CDH4: variants seen among roughly 807,000 people sequenced by gnomAD.
CDH4 encodes the protein cadherin 4.
A neutral mutation model predicts 86.0 loss-of-function variants in CDH4; 33 were observed. The ratio of observed to expected loss-of-function variants is 0.38; its 90% CI spans 0.29 to 0.51. The LOEUF is 0.51. CDH4 is among the 20% of genes least tolerant of loss of function. The probability of loss-of-function intolerance (pLI) is 0.86; values close to 1 mark genes in which losing one functional copy is unlikely to be tolerated. For synonymous variants in CDH4, 555 were observed against 549.4 expected (o/e 1.01, Z -0.14); for missense variants, 1,114 against 1,307.4 (o/e 0.85, Z 2.28).
At chr20:61,531,984 G>C (rs955302196) in intron 2 of CDH4, among the ~76,000 whole-genome samples, 6 of 152,254 alleles carry the variant, frequency 3.9e-5, no homozygotes, top group African/African-American at 1.4e-4. Context: ...TTCAGCCTGT[G>C]GTGGAGGATC....
At chr20:61,573,755 C>T (rs1332700840) in intron 2 of CDH4, among the ~76,000 whole-genome samples, 1 of 152,282 alleles carries the variant, frequency 6.6e-6, no homozygotes, top group South Asian at 2.1e-4. Context: ...TCTGGGCCCT[C>T]CCATGGCAGA....
intron 2 of CDH4, among the ~76,000 whole-genome samples, chr20:61,447,323 A>ATTTTTTTT (rs71331923): frequency 3.2e-3 from 354 of 110,708 alleles, no homozygotes; most frequent in African/African-American, 3.8e-3. Context: ...CGCCCAGCTG[A>ATTTTTTTT]TTTTTTTTTT....
chr20:61,631,525 A>G (rs2086888254), intron 2 of CDH4, among the ~76,000 whole-genome samples: 2 of 152,210 alleles, frequency 1.3e-5, no homozygotes, highest in Admixed American at 1.3e-4. Context: ...TGTGCCTATA[A>G]TCCCAGCTAC....
At chr20:61,886,084 A>G (rs1182218958) in intron 7 of CDH4, among the ~76,000 whole-genome samples, 2 of 152,126 alleles carry the variant, frequency 1.3e-5, no homozygotes, top group African/African-American at 4.8e-5. Flanking sequence ...TTATACCCCC[A>G]TATGTACCGC....
chr20:61,616,154 C>G (rs761594461), intron 2 of CDH4, among the ~76,000 whole-genome samples: 1 of 152,218 alleles, frequency 6.6e-6, no homozygotes, highest in South Asian at 2.1e-4. Flanking sequence ...GACTGCAGAG[C>G]TGGTGAACTT....
chr20:61,844,563 T>C, intron 4 of CDH4, 105 bp from the exon 5 acceptor site: 1 of 1,078,352 alleles, frequency 9.3e-7, no homozygotes, highest in Non-Finnish European at 1.3e-6. Context: ...TACCTGAAAA[T>C]GGTCGAGCTC....
At chr20:61,488,267 G>A (rs753774517) in intron 2 of CDH4, among the ~76,000 whole-genome samples, 3 of 152,238 alleles carry the variant, frequency 2.0e-5, no homozygotes, top group Non-Finnish European at 2.9e-5. Context: ...ACAGGGCAGG[G>A]TGAGGTGACT....
intron 2 of CDH4, among the ~76,000 whole-genome samples, chr20:61,588,634 G>A (rs374520935): frequency 6.6e-6 from 1 of 151,418 alleles, no homozygotes; most frequent in Non-Finnish European, 1.5e-5. Flanking sequence ...TCCCCCTCCC[G>A]AGACCACACT....
At chr20:61,273,313 G>T in intron 2 of CDH4, among the ~76,000 whole-genome samples, 1 of 140,062 alleles carries the variant, frequency 7.1e-6, no homozygotes, top group African/African-American at 2.7e-5. Flanking sequence ...CAGTTTGGGG[G>T]AATACCATGT....
intron 2 of CDH4, among the ~76,000 whole-genome samples, chr20:61,283,889 A>G (rs2084278683): frequency 6.6e-6 from 1 of 152,132 alleles, no homozygotes. Context: ...CCCCACTGCC[A>G]CCCTGGCCCT....
rs1981458463 is a variant in CDH4, at chr20:61,829,033, G to A, written c.577-15635G>A. Among the ~76,000 whole-genome samples, 1 of 152,206 alleles carries A rather than the reference G, an allele frequency of 6.6e-6. No homozygotes were observed. Among genetic ancestry groups the A allele is most frequent in the Admixed American group, 6.5e-5 (1 of 15,286 alleles). ...GTCTAATGCCACCACTGACATCATG[G>A]GAGGCGGAGCACTGGAGGCTCTGGC... On this transcript the variant is annotated intron_variant, in intron 4 of 15. Coordinates refer to ENST00000614565, the MANE Select transcript of CDH4 (RefSeq NM_001794.5). This position sits in a 1 kb window ranked among gnomAD's most constrained non-coding sequence, Gnocchi z 4.2.
intron 2 of CDH4, among the ~76,000 whole-genome samples, chr20:61,539,929 CTG>C (rs143096313): frequency 0.037 from 5,704 of 152,298 alleles, 366 homozygotes; most frequent in African/African-American, 0.13. Context: ...TGTGTGGACT[CTG>C]TGTGCTCACC....
intron 2 of CDH4, among the ~76,000 whole-genome samples, chr20:61,525,436 C>T (rs867137306): frequency 6.6e-6 from 1 of 152,162 alleles, no homozygotes; most frequent in Non-Finnish European, 1.5e-5. Flanking sequence ...CCTGCAGGCC[C>T]CTCCCAGGAT....
intron 6 of CDH4, among the ~76,000 whole-genome samples, chr20:61,855,180 G>A (rs1368814190): frequency 4.7e-5 from 7 of 148,044 alleles, no homozygotes; most frequent in Non-Finnish European, 1.0e-4. Flanking sequence ...TGAACAGGGT[G>A]AATTGTGCCC....
intron 2 of CDH4, among the ~76,000 whole-genome samples, chr20:61,429,379 C>T (rs1195739542): frequency 6.6e-6 from 1 of 152,226 alleles, no homozygotes; most frequent in African/African-American, 2.4e-5. Flanking sequence ...GCTCTTTTTC[C>T]TAGCCTAGTG....
rs537465505 is a variant in CDH4, at chr20:61,820,079, C to T, written c.577-24589C>T. Reference sequence around the variant, plus strand: ...CCCCTCAGCTGCACCTTGCTTCAGACTCGGGGGGTCCTGCCTCCCGCTGTG... The same window carrying T: ...CCCCTCAGCTGCACCTTGCTTCAGATTCGGGGGGTCCTGCCTCCCGCTGTG... On this transcript the variant is annotated intron_variant, in intron 4 of 15. Coordinates refer to ENST00000614565, the MANE Select transcript of CDH4 (RefSeq NM_001794.5). 2.6e-5 allele frequency among the ~76,000 whole-genome samples: 4 copies of T among 152,362 alleles called. No homozygotes were observed. The East Asian group carries it at 7.7e-4, about 29-fold the overall frequency.
chr20:61,721,425 C>T (rs1044841746), intron 2 of CDH4, among the ~76,000 whole-genome samples: 3 of 152,222 alleles, frequency 2.0e-5, no homozygotes, highest in Non-Finnish European at 4.4e-5. Flanking sequence ...GCCTCCAGCC[C>T]TCCTGCTTCT....
In CDH4 at chr20:61,617,308, G is replaced by A. The variant is rs369829937; in HGVS notation, c.170-126255G>A. ...TCCGCAGATGTGTCCCCAGCACCTG[G>A]GGCCTGGTGTGGGGCAGTGCTCAGT... is the stretch of plus-strand genomic sequence containing the variant. On this transcript the variant is annotated intron_variant, in intron 2 of 15. Transcript: ENST00000614565. Among the ~76,000 whole-genome samples the A allele has an allele frequency of 4.6e-5, 7 of 152,260 alleles. No homozygotes were observed. In the South Asian group the frequency reaches 1.5e-3, roughly 32 times the overall value.
chr20:61,886,712 G>A (rs2146174713), intron 7 of CDH4, among the ~76,000 whole-genome samples: 1 of 152,328 alleles, frequency 6.6e-6, no homozygotes, highest in East Asian at 1.9e-4. Flanking sequence ...ACACTTGCTG[G>A]CCTCCAGAGC....
Sources: gnomAD v4.1 joint callset for allele counts (sites outside exome capture counted in the v4.1 genomes callset) on GRCh38, gnomAD v4.1.1 for gene constraint, Gnocchi (gnomAD v3.1) non-coding constraint, MANE v1.5 for transcripts, NCBI Gene and HGNC (gene_info 2026-07-23, HGNC 2026-07-21) for gene names.